Variants in CAD observed in about 807,000 individuals in gnomAD.
CAD encodes multifunctional protein CAD.
In CAD, 81 loss-of-function variants were observed where a neutral mutation model predicts 237.2. The ratio of observed to expected loss-of-function variants is 0.34; its 90% CI spans 0.29 to 0.41. The LOEUF (loss-of-function observed/expected upper bound fraction) is 0.41, where lower values mean the gene tolerates loss of function less well. Among genes scored for constraint, CAD ranks in the 10% least tolerant of loss-of-function variants. CAD has a pLI of 1.00. For synonymous variants in CAD, 1,196 were observed against 1,162.8 expected (o/e 1.03, Z -0.58); for missense variants, 2,181 against 2,951.7 (o/e 0.74, Z 6.05).
intron 15 of CAD, 44 bp downstream of exon 15, chr2:27,227,006 C>G: frequency 6.3e-7 from 1 of 1,585,376 alleles, no homozygotes; most frequent in Non-Finnish European, 8.7e-7. Context: ...CCCACCATGA[C>G]CAAGAATCTT....
chr2:27,242,537 C>T lies in CAD; in HGVS notation c.6223-83C>T, dbSNP rs1558546974. The T allele has an allele frequency of 6.4e-7, 1 of 1,555,906 alleles. No homozygotes were observed. The highest frequency in any genetic ancestry group is 1.2e-5 in the South Asian group (1 of 82,852). ...CTGCATCAAGGAGGCCTTCATTCTG[C>T]TCCAGAGGCTTTTAAAAGCTTGGAA... On this transcript the variant is annotated intron_variant, in intron 40 of 43. Coordinates refer to ENST00000264705, the MANE Select transcript of CAD (RefSeq NM_004341.5). This position sits in a 1 kb window ranked among gnomAD's most constrained non-coding sequence, Gnocchi z 6.4.
At position 27,234,575 on chromosome 2, in the gene CAD, G is replaced by C. The variant is rs746219339; in HGVS notation, c.3676G>C (p.Val1226Leu). The change falls in exon 23 of 44, where the codon GTT becomes CTT. Residue 1226 changes from valine (V) to leucine (L), a missense_variant. Val to Leu is a conservative substitution (Grantham distance 32). Transcript: ENST00000264705. ...NVRVSRSFPF[V>L]SKTLGVDLVA... ...ACGTGTCTCTCGCTCCTTCCCCTTC[G>C]TTTCCAAGACACTGGGTGTGGACCT... 1 of 1,614,052 alleles carries C rather than the reference G, an allele frequency of 6.2e-7. No individual in the cohort carries two copies. The highest frequency in any genetic ancestry group is 8.5e-7 in the Non-Finnish European group (1 of 1,179,948).
rs751868593 is a variant in CAD at position 27,224,788 on chromosome 2, T to G, written c.1298T>G (p.Ile433Ser). The G allele has an allele frequency of 1.9e-6, 3 of 1,614,196 alleles. No homozygotes were observed. The Admixed American group carries it at 5.0e-5, about 27-fold the overall frequency. ...GAGGAAAACATCCAGACGTTGCTGA[T>G]CAACCCCAATATTGCCACAGTGCAG... ...LKEENIQTLL[I>S]NPNIATVQTS... Residue 433 changes from isoleucine to serine, a missense_variant, in exon 10 of 44, where the codon ATC (isoleucine) becomes AGC (serine). Around this residue, in one of 12 missense-constraint regions of CAD, gnomAD observed 174 missense variants for 215.8 expected, o/e 0.81. Transcript: ENST00000264705.
chr2:27,219,168 C>T (rs942602023), intron 2 of CAD, among the ~76,000 whole-genome samples: 1 of 152,182 alleles, frequency 6.6e-6, no homozygotes, highest in Non-Finnish European at 1.5e-5. Context: ...CTCCACCTGG[C>T]CAGGGAGGGT....
In CAD at chr2:27,235,861, G is replaced by T; in HGVS notation, c.4074+221G>T. 2.1e-6 allele frequency: 1 copy of T among 487,372 alleles called. No individual in the cohort carries two copies. The highest frequency in any genetic ancestry group is 3.6e-6 in the Non-Finnish European group (1 of 277,752). The allele number at this position is 487,372 out of a possible 1,614,324, so 30.2% of individuals were successfully genotyped here. A position where few individuals can be genotyped will look rare whatever the true frequency, so the allele number is the denominator to read the frequency against. ...ACTGCACTCCAGCTTGGGAAACAGT[G>T]AGATGCTGTCTCAAAAAAAAAAAAA... On this transcript the variant is annotated intron_variant, in intron 25 of 43. Coordinates refer to ENST00000264705, the MANE Select transcript of CAD (RefSeq NM_004341.5). This position sits in a 1 kb window ranked among gnomAD's most constrained non-coding sequence, Gnocchi z 5.2.
At position 27,239,759 on chromosome 2, in the gene CAD, G is replaced by C; in HGVS notation, c.5457G>C (p.Gln1819His). ...AGTGGCCACAGGGGGCTGTTCCTCA[G>C]CTCCCACCCTCAGCCCCTGCCACTA... ...VRKWPQGAVP[Q>H]LPPSAPATSE... The change falls in exon 34 of 44, where the codon CAG (glutamine) becomes CAC (histidine). Residue 1819 changes from glutamine to histidine, a missense_variant. Around this residue, in one of 12 missense-constraint regions of CAD, gnomAD observed 478 missense variants for 515.0 expected, o/e 0.93. Transcript: ENST00000264705. This position sits in a 1 kb window ranked among gnomAD's most constrained non-coding sequence, Gnocchi z 4.0. 1.3e-6 allele frequency: 2 copies of C among 1,588,070 alleles called. No individual in the cohort carries two copies. Among genetic ancestry groups the C allele is most frequent in the Non-Finnish European group, 1.7e-6 (2 of 1,166,186 alleles).
rs181475190 is a variant in CAD, at chr2:27,227,828, C to T, written c.2287+866C>T. On this transcript the variant is annotated intron_variant, in intron 15 of 43. Transcript: ENST00000264705. ...AGTAAGAAACATGAATCATGGAAAA[C>T]GAGGAAAGATAGTTTAACCAAAGAA... Among the ~76,000 whole-genome samples, 533 of 152,240 alleles carry T rather than the reference C, an allele frequency of 3.5e-3. 2 individuals are homozygous for T. The highest frequency in any genetic ancestry group is 5.5e-3 in the Non-Finnish European group (376 of 68,004).
At chr2:27,224,919 G>A (rs752371232) in intron 10 of CAD, 43 bp downstream of exon 10, 26 of 1,612,366 alleles carry the variant, frequency 1.6e-5, no homozygotes, top group Non-Finnish European at 2.2e-5. Context: ...GACTGGGCAG[G>A]GGGGCCCAGT....
In CAD at chr2:27,224,034, G is replaced by C. The variant is rs1675313990; in HGVS notation, c.1108+5G>C. On this transcript the variant is annotated splice_donor_5th_base_variant and intron_variant, in intron 8 of 43. Transcript: ENST00000264705. ...GGAACCCTGGGGGCCAGACAGGTAA[G>C]ATCCTGAGTAGAACTGGGTTGTGGA... 1 of 1,591,128 alleles carries C rather than the reference G, an allele frequency of 6.3e-7. No homozygotes were observed. Among genetic ancestry groups the C allele is most frequent in the Non-Finnish European group, 8.6e-7 (1 of 1,158,992 alleles).
At position 27,225,137 on chromosome 2, in the gene CAD, C is replaced by T. The variant is rs1323051110; in HGVS notation, c.1514C>T (p.Pro505Leu). The change falls in exon 11 of 44, where the codon CCA becomes CTA. Residue 505 changes from proline to leucine, a missense_variant. By Grantham distance (98) the Pro-to-Leu change is moderately conservative (BLOSUM62 -3). Coordinates refer to ENST00000264705, the MANE Select transcript of CAD (RefSeq NM_004341.5). Reference protein sequence around the residue: ...ARYGVRVLGTPVETIELTEDR... With the variant: ...ARYGVRVLGTLVETIELTEDR... Reference sequence around the variant, plus strand: ...TATGGGGTCCGGGTCCTGGGCACACCAGTGGAGACCATTGAGCTGACCGAG... The same window carrying T: ...TATGGGGTCCGGGTCCTGGGCACACTAGTGGAGACCATTGAGCTGACCGAG... 6.2e-7 allele frequency: 1 copy of T among 1,614,068 alleles called. No homozygotes were observed. The highest frequency in any genetic ancestry group is 8.5e-7 in the Non-Finnish European group (1 of 1,180,006).
chr2:27,237,758 T>C lies in CAD; in HGVS notation c.4604T>C (p.Leu1535Pro), dbSNP rs778626759. Residue 1535 changes from leucine (L) to proline (P), a missense_variant, in exon 29 of 44, where the codon CTT (leucine) becomes CCT (proline). Physicochemically the swap from Leu to Pro is moderately conservative, Grantham distance 98. This residue lies in a region of CAD where 478 missense variants were observed against 515.0 expected (regional missense o/e 0.93). Coordinates refer to ENST00000264705, the MANE Select transcript of CAD (RefSeq NM_004341.5). This position sits in a 1 kb window ranked among gnomAD's most constrained non-coding sequence, Gnocchi z 4.0. ...AGARCDFALFLGASSENAGTL... is the reference protein window; with the variant it reads ...AGARCDFALFPGASSENAGTL... ...GCCCGGTGCGACTTTGCGCTATTCC[T>C]TGGGGCCTCGTCTGAAAATGCAGGA... is the stretch of plus-strand genomic sequence containing the variant. 1 of 1,614,208 alleles carries C rather than the reference T, an allele frequency of 6.2e-7. No individual in the cohort carries two copies. The highest frequency in any genetic ancestry group is 1.1e-5 in the South Asian group (1 of 91,074).
At chr2:27,224,071 G>A in intron 8 of CAD, 42 bp downstream of exon 8, 3 of 1,435,570 alleles carry the variant, frequency 2.1e-6, no homozygotes, top group Middle Eastern at 1.7e-4. Flanking sequence ...CTAAGAACAG[G>A]GTTGGCTCCA....
At chr2:27,230,065 C>T (rs986813430) in intron 15 of CAD, among the ~76,000 whole-genome samples, 9 of 151,016 alleles carry the variant, frequency 6.0e-5, no homozygotes, top group African/African-American at 2.2e-4. Flanking sequence ...TGGTGAAACC[C>T]CGTCTCTACT....
chr2:27,217,431 C>T lies in CAD; in HGVS notation c.-121C>T, dbSNP rs1674916297. On this transcript the variant is annotated 5_prime_UTR_variant, in exon 1 of 44. Coordinates refer to ENST00000264705, the MANE Select transcript of CAD (RefSeq NM_004341.5). ...TACGCTGCCGCGCCCGGCTTCTCTCCAGCGCCCCGCGCCGTTAGCCACGTG... is the reference window on the plus strand; with the variant it reads ...TACGCTGCCGCGCCCGGCTTCTCTCTAGCGCCCCGCGCCGTTAGCCACGTG... The T allele has an allele frequency of 2.3e-6, 2 of 871,928 alleles. No homozygotes were observed. Among genetic ancestry groups the T allele is most frequent in the Admixed American group, 2.0e-5 (1 of 48,798 alleles). The allele number at this position is 871,928 out of a possible 1,614,324, so 54.0% of individuals were successfully genotyped here.
rs971297497 is a variant in CAD, at chr2:27,237,060, C to T, written c.4396+230C>T. On this transcript the variant is annotated intron_variant, in intron 27 of 43. Coordinates refer to ENST00000264705, the MANE Select transcript of CAD (RefSeq NM_004341.5). The surrounding 1 kb of genome is among the most constrained non-coding windows in gnomAD (Gnocchi z 4.0). The stretch of plus-strand genomic sequence containing the variant: ...TTTTTGAGACAGAGTCTTACTCCAT[C>T]GCCCAGGTTGGAGTGCAGTGGTGTG... Among the ~76,000 whole-genome samples the T allele has an allele frequency of 4.2e-5, 6 of 142,174 alleles. No individual in the cohort carries two copies. The highest frequency in any genetic ancestry group is 2.0e-4 in the East Asian group (1 of 5,006). 93.3% of individuals were successfully genotyped at this position (142,174 alleles called of 152,430 possible).
chr2:27,230,501 C>T (rs1675692099), intron 15 of CAD, among the ~76,000 whole-genome samples: 1 of 151,954 alleles, frequency 6.6e-6, no homozygotes, highest in African/African-American at 2.4e-5. Context: ...TGACACGCAC[C>T]TGTAATCACA....
At position 27,233,956 on chromosome 2, in the gene CAD, AAGTG is replaced by A. The variant is rs1675885183; in HGVS notation, c.3400-49_3400-46del. On this transcript the variant is annotated intron_variant, in intron 21 of 43. Coordinates refer to ENST00000264705, the MANE Select transcript of CAD (RefSeq NM_004341.5). The surrounding 1 kb of genome is among the most constrained non-coding windows in gnomAD (Gnocchi z 6.3). Reference sequence around the variant, plus strand: ...TTAAAGGAAGAGACAATCCTAGAGTAAGTGAGAGAAGAAAGTGGCCCTATGTCCC... The same window carrying A: ...TTAAAGGAAGAGACAATCCTAGAGTAAGAGAAGAAAGTGGCCCTATGTCCC... 2.6e-6 allele frequency: 4 copies of A among 1,566,358 alleles called. No individual in the cohort carries two copies. In the East Asian group the frequency reaches 6.8e-5, roughly 27 times the overall value.
chr2:27,224,623 A>G (rs552210993), intron 9 of CAD, 122 bp from the exon 10 acceptor site: 1 of 1,535,930 alleles, frequency 6.5e-7, no homozygotes, highest in African/African-American at 1.4e-5. Context: ...GTAGTAAGAA[A>G]TAGAAGTCAA....
At position 27,217,464 on chromosome 2, in the gene CAD, T is replaced by C. The variant is rs1674918057; in HGVS notation, c.-88T>C. The stretch of plus-strand genomic sequence containing the variant: ...CGCGCCGTTAGCCACGTGGACCGAC[T>C]CCGGCGCGCCGTCCTCACGTGGTTC... On this transcript the variant is annotated 5_prime_UTR_variant, in exon 1 of 44. Coordinates refer to ENST00000264705, the MANE Select transcript of CAD (RefSeq NM_004341.5). 1 of 1,184,964 alleles carries C rather than the reference T, an allele frequency of 8.4e-7. No homozygotes were observed. Among genetic ancestry groups the C allele is most frequent in the Admixed American group, 2.0e-5 (1 of 50,692 alleles). The allele number at this position is 1,184,964 out of a possible 1,614,324, so 73.4% of individuals were successfully genotyped here. A position where few individuals can be genotyped will look rare whatever the true frequency, so the allele number is the denominator to read the frequency against.
Sources: allele counts gnomAD v4.1 joint callset (sites outside exome capture counted in the v4.1 genomes callset), GRCh38; gene constraint gnomAD v4.1.1; regional missense constraint gnomAD v4.1.1; non-coding constraint Gnocchi (gnomAD v3.1); transcripts MANE v1.5; gene names NCBI Gene and HGNC (gene_info 2026-07-23, HGNC 2026-07-21).